Variants in E2F2 observed in about 807,000 individuals in gnomAD.
E2F2 encodes E2F transcription factor 2, also known as transcription factor E2F2.
In E2F2, 22 loss-of-function variants were observed where a neutral mutation model predicts 42.2. The ratio of observed to expected loss-of-function variants is 0.52; its 90% CI spans 0.37 to 0.74. The LOEUF is 0.74. E2F2 is among the 30% of genes least tolerant of loss of function. The pLI is 0.00. For synonymous variants in E2F2, 248 were observed against 251.6 expected (o/e 0.99, Z 0.13); for missense variants, 481 against 557.8 (o/e 0.86, Z 1.39).
chr1:23,531,079 C>G lies in E2F2; in HGVS notation c.-286G>C, dbSNP rs1643334207. On this transcript the variant is annotated 5_prime_UTR_variant, in exon 1 of 7. Coordinates refer to ENST00000361729, the MANE Select transcript of E2F2 (RefSeq NM_004091.4). ...CGCGACCCGGGACGCCCCGCGCTCC[C>G]CAAGGCCTCGGCACCTGGGGTCCGG... 5.7e-6 allele frequency: 2 copies of G among 350,570 alleles called. No individual in the cohort carries two copies. The highest frequency in any genetic ancestry group is 5.1e-6 in the Non-Finnish European group (1 of 195,564). The allele number at this position is 350,570 out of a possible 1,614,324, so 21.7% of individuals were successfully genotyped here.
Position 23,521,844 on chromosome 1 carries a change from G to T in E2F2, c.571C>A (p.Gln191Lys), listed in dbSNP as rs1231159673. 6.2e-7 allele frequency: 1 copy of T among 1,613,834 alleles called. No homozygotes were observed. Among genetic ancestry groups the T allele is most frequent in the Non-Finnish European group, 8.5e-7 (1 of 1,179,996 alleles). The change falls in exon 3 of 7, where the codon CAG (glutamine) becomes AAG (lysine). Residue 191 changes from glutamine to lysine, a missense_variant. Gln to Lys is a moderately conservative substitution (Grantham distance 53, BLOSUM62 1). Coordinates refer to ENST00000361729, the MANE Select transcript of E2F2 (RefSeq NM_004091.4). Reference protein sequence around the residue: ...LIRKKAKNNIQWVGRGMFEDP... With the variant: ...LIRKKAKNNIKWVGRGMFEDP... ...GGCCGCCCAGGCACTCACACCCACTGGATGTTGTTCTTGGCCTTCTTGCGG... is the reference window on the plus strand; with the variant it reads ...GGCCGCCCAGGCACTCACACCCACTTGATGTTGTTCTTGGCCTTCTTGCGG...
chr1:23,521,560 T>C (rs1354703928), intron 3 of E2F2: 1 of 985,292 alleles, frequency 1.0e-6, no homozygotes, highest in Admixed American at 6.2e-5. Flanking sequence ...AGGTTCCCTT[T>C]GGCCTTTACA....
intron 5 of E2F2, among the ~76,000 whole-genome samples, chr1:23,518,765 C>G (rs982344218): frequency 2.0e-5 from 3 of 152,158 alleles, no homozygotes; most frequent in African/African-American, 7.2e-5. Context: ...TGCGCAGGAA[C>G]CCAGGGCTGG....
rs1219576149 is a variant in E2F2 at position 23,509,646 on chromosome 1, C to T, written c.*234G>A. ...TCAGAAGTCAGAAGACTGGATGGGCCTCCCTAGGCCCAGCTTCCATTAGGA... is the reference window on the plus strand; with the variant it reads ...TCAGAAGTCAGAAGACTGGATGGGCTTCCCTAGGCCCAGCTTCCATTAGGA... On this transcript the variant is annotated 3_prime_UTR_variant, in exon 7 of 7. Coordinates refer to ENST00000361729, the MANE Select transcript of E2F2 (RefSeq NM_004091.4). 3 of 734,870 alleles carry T rather than the reference C, an allele frequency of 4.1e-6. No individual in the cohort carries two copies. The East Asian group carries it at 1.1e-4, about 28-fold the overall frequency. 45.5% of individuals were successfully genotyped at this position (734,870 alleles called of 1,614,324 possible). A position where few individuals can be genotyped will look rare whatever the true frequency, so the allele number is the denominator to read the frequency against.
downstream of E2F2, among the ~76,000 whole-genome samples, chr1:23,505,217 T>C (rs1388759322): frequency 2.6e-5 from 4 of 152,142 alleles, no homozygotes; most frequent in Admixed American, 1.3e-4. Flanking sequence ...AGTTGGAAGT[T>C]GTAAATAGCC....
chr1:23,524,608 G>C, intron 1 of E2F2, 120 bp from the exon 2 acceptor site: 1 of 761,174 alleles, frequency 1.3e-6, no homozygotes, highest in South Asian at 1.8e-5. Context: ...TCAGTTTACC[G>C]CCAGTCCTGG....
In E2F2 at chr1:23,509,834, G is replaced by C; in HGVS notation, c.*46C>G. The C allele has an allele frequency of 1.3e-6, 2 of 1,509,528 alleles. No homozygotes were observed. 93.5% of individuals were successfully genotyped at this position (1,509,528 alleles called of 1,614,324 possible). A position where few individuals can be genotyped will look rare whatever the true frequency, so the allele number is the denominator to read the frequency against. Reference sequence around the variant, plus strand: ...GCAGAGGGGCTGTCAGCCTGTCTGTGAGGAGGTAGAGTCGGGGGCAGGCTG... The same window carrying C: ...GCAGAGGGGCTGTCAGCCTGTCTGTCAGGAGGTAGAGTCGGGGGCAGGCTG... On this transcript the variant is annotated 3_prime_UTR_variant, in exon 7 of 7. Transcript: ENST00000361729.
chr1:23,518,999 A>T lies in E2F2; in HGVS notation c.852+17T>A. 1 of 1,609,254 alleles carries T rather than the reference A, an allele frequency of 6.2e-7. No individual in the cohort carries two copies. Among genetic ancestry groups the T allele is most frequent in the Non-Finnish European group, 8.5e-7 (1 of 1,176,278 alleles). ...AGGGTCTCAACCCTGCTCTCCACCA[A>T]ATATTTCCCCTCTCACCTCAGTCCT... On this transcript the variant is annotated intron_variant, in intron 5 of 6. Transcript: ENST00000361729.
In E2F2 at chr1:23,509,715, T is replaced by C; in HGVS notation, c.*165A>G. On this transcript the variant is annotated 3_prime_UTR_variant, in exon 7 of 7. Transcript: ENST00000361729. ...ATCCACTCCTCACCCGTACCATTCA[T>C]ATCTCCCCACACAGCTTCTGCCGGC... 7.5e-7 allele frequency: 1 copy of C among 1,339,654 alleles called. No homozygotes were observed. The highest frequency in any genetic ancestry group is 9.8e-7 in the Non-Finnish European group (1 of 1,023,902). The allele number at this position is 1,339,654 out of a possible 1,614,324, so 83.0% of individuals were successfully genotyped here.
chr1:23,528,822 G>A (rs1304107333), intron 1 of E2F2, among the ~76,000 whole-genome samples: 1 of 152,208 alleles, frequency 6.6e-6, no homozygotes, highest in African/African-American at 2.4e-5. Flanking sequence ...CCAGAGGAGA[G>A]TGGGCCTGCC....
chr1:23,518,407 A>G (rs1215152295), intron 5 of E2F2, among the ~76,000 whole-genome samples: 2 of 151,322 alleles, frequency 1.3e-5, no homozygotes, highest in Non-Finnish European at 2.9e-5. Context: ...GGAGGCGGAG[A>G]TTGCAGTCAG....
chr1:23,517,295 C>T (rs1439498667), intron 5 of E2F2, among the ~76,000 whole-genome samples: 6 of 152,228 alleles, frequency 3.9e-5, no homozygotes, highest in Non-Finnish European at 2.9e-5. Flanking sequence ...TAAGCCACAA[C>T]TGATGACATG....
rs999539978 is a variant in E2F2, at chr1:23,507,559, C to CA, written c.*2320dup. The CA allele has an allele frequency of 2.0e-5, 3 of 152,200 alleles. No homozygotes were observed. Among genetic ancestry groups the CA allele is most frequent in the African/African-American group, 7.3e-5 (3 of 41,342 alleles). The allele number at this position is 152,200 out of a possible 1,614,324, so 9.4% of individuals were successfully genotyped here. On this transcript the variant is annotated 3_prime_UTR_variant, in exon 7 of 7. Transcript: ENST00000361729. ...GAAAAAAAGAAAAGAAAATACCACT[C>CA]AAAATGTGTCCTGAAGCACTCTGTG...
At chr1:23,524,541 G>T in intron 1 of E2F2, 53 bp from the exon 2 acceptor site, 1 of 1,547,862 alleles carries the variant, frequency 6.5e-7, no homozygotes, top group South Asian at 1.2e-5. Context: ...TCCTCCTTTA[G>T]CCTTTCCCTG....
At chr1:23,525,265 C>T (rs1643231915) in intron 1 of E2F2, among the ~76,000 whole-genome samples, 1 of 152,090 alleles carries the variant, frequency 6.6e-6, no homozygotes, top group Admixed American at 6.5e-5. Context: ...ACCACAGACC[C>T]ATCTGCTCCT....
intron 1 of E2F2, among the ~76,000 whole-genome samples, chr1:23,526,820 C>T (rs538469399): frequency 2.0e-5 from 3 of 152,088 alleles, no homozygotes; most frequent in Admixed American, 1.3e-4. Flanking sequence ...GCCTGGGCTA[C>T]GCCCACCTGC....
At chr1:23,506,083 A>G (rs1642790395), downstream of E2F2, among the ~76,000 whole-genome samples, 1 of 152,168 alleles carries the variant, frequency 6.6e-6, no homozygotes, top group African/African-American at 2.4e-5. Flanking sequence ...TGCATGTCTC[A>G]CATTTCCAGG....
At position 23,507,915 on chromosome 1, in the gene E2F2, A is replaced by G. The variant is rs1570448719; in HGVS notation, c.*1965T>C. On this transcript the variant is annotated 3_prime_UTR_variant, in exon 7 of 7. Coordinates refer to ENST00000361729, the MANE Select transcript of E2F2 (RefSeq NM_004091.4). ...TCCAGAGCCCAAGGAATGGGAGTCA[A>G]ACACCTCTGACTTCAGAGATGGCAC... 3 of 152,414 alleles carry G rather than the reference A, an allele frequency of 2.0e-5. No homozygotes were observed. Among genetic ancestry groups the G allele is most frequent in the East Asian group, 1.9e-4 (1 of 5,192 alleles). The allele number at this position is 152,414 out of a possible 1,614,324, so 9.4% of individuals were successfully genotyped here. A position where few individuals can be genotyped will look rare whatever the true frequency, so the allele number is the denominator to read the frequency against.
intron 1 of E2F2, among the ~76,000 whole-genome samples, chr1:23,525,549 T>A (rs1643237067): frequency 6.6e-6 from 1 of 152,160 alleles, no homozygotes; most frequent in Non-Finnish European, 1.5e-5. Flanking sequence ...ATTGTAAGGA[T>A]TCAAGGAAGG....
Sources: gnomAD v4.1 joint callset for allele counts (sites outside exome capture counted in the v4.1 genomes callset) on GRCh38, gnomAD v4.1.1 for gene constraint, MANE v1.5 for transcripts, NCBI Gene and HGNC (gene_info 2026-07-23, HGNC 2026-07-21) for gene names.